Variants in EFCAB8 observed in about 807,000 individuals in gnomAD.
The protein encoded by EFCAB8 is EF-hand calcium-binding domain-containing protein 8.
A neutral mutation model predicts 116.3 loss-of-function variants in EFCAB8; 100 were observed. The observed-to-expected ratio is 0.86, with a 90% confidence interval of 0.73 to 1.02. The LOEUF is 1.02. Among genes scored for constraint, EFCAB8 ranks in the 50% least tolerant of loss-of-function variants. The pLI, the probability that EFCAB8 is intolerant of heterozygous loss-of-function variation, is 0.00. For synonymous variants in EFCAB8, 558 were observed against 567.9 expected (o/e 0.98, Z 0.25); for missense variants, 1,320 against 1,416.9 (o/e 0.93, Z 1.10).
intron 22 of EFCAB8, among the ~76,000 whole-genome samples, chr20:32,942,068 A>G (rs1018758347): frequency 2.6e-5 from 4 of 152,130 alleles, no homozygotes; most frequent in African/African-American, 9.7e-5. Context: ...ACAGTTTTGC[A>G]TTTCATTAGC....
rs1279172743 is a variant in EFCAB8 at position 32,911,379 on chromosome 20, T to C, written c.1558-101T>C. On this transcript the variant is annotated intron_variant, in intron 15 of 26. Coordinates refer to ENST00000400522, the MANE Select transcript of EFCAB8 (RefSeq NM_001143967.2). The stretch of plus-strand genomic sequence containing the variant: ...AGCAGGGGGCCCTGAACGTCTGTTT[T>C]CTCAGTGGATGGAGGGGAGGGGCCA... 6.7e-5 allele frequency: 72 copies of C among 1,070,564 alleles called. No homozygotes were observed. The South Asian group carries it at 1.1e-3, about 17-fold the overall frequency. The allele number at this position is 1,070,564 out of a possible 1,614,324, so 66.3% of individuals were successfully genotyped here. A position where few individuals can be genotyped will look rare whatever the true frequency, so the allele number is the denominator to read the frequency against.
At chr20:32,885,052 C>T (rs1985538991) in intron 5 of EFCAB8, among the ~76,000 whole-genome samples, 1 of 152,156 alleles carries the variant, frequency 6.6e-6, no homozygotes, top group Non-Finnish European at 1.5e-5. Context: ...CGGTTCTGTT[C>T]CCCCCTCTAC....
chr20:32,907,017 A>C, intron 13 of EFCAB8, 23 bp downstream of exon 13: 2 of 1,481,326 alleles, frequency 1.4e-6, no homozygotes, highest in Admixed American at 2.3e-5. Flanking sequence ...GGTCCGCCTG[A>C]CTCCTTCTGT....
At chr20:32,890,444 A>G (rs1262233423) in intron 7 of EFCAB8, among the ~76,000 whole-genome samples, 7 of 152,126 alleles carry the variant, frequency 4.6e-5, no homozygotes, top group African/African-American at 1.7e-4. Context: ...GTGTCATCTC[A>G]CATGTATTAG....
In EFCAB8 at chr20:32,918,352, C is replaced by T. The variant is rs1477050799; in HGVS notation, c.2062-10C>T. The T allele has an allele frequency of 1.9e-6, 3 of 1,551,574 alleles. No homozygotes were observed. Among genetic ancestry groups the T allele is most frequent in the Admixed American group, 3.9e-5 (2 of 50,990 alleles). ...GCAGTGCCTTAGGGGCTGCTTTCTT[C>T]TTGGTACAGGTGCAAGATGTGAACA... is the stretch of plus-strand genomic sequence containing the variant. On this transcript the variant is annotated splice_polypyrimidine_tract_variant and intron_variant, in intron 18 of 26. Coordinates refer to ENST00000400522, the MANE Select transcript of EFCAB8 (RefSeq NM_001143967.2).
At chr20:32,949,736 C>T (rs1988739214) in intron 23 of EFCAB8, among the ~76,000 whole-genome samples, 2 of 152,240 alleles carry the variant, frequency 1.3e-5, no homozygotes, top group South Asian at 4.1e-4. Context: ...TGATGGTTCA[C>T]ACCCGTAATC....
intron 23 of EFCAB8, among the ~76,000 whole-genome samples, chr20:32,951,433 T>A (rs1448052596): frequency 2.6e-5 from 4 of 152,344 alleles, no homozygotes; most frequent in South Asian, 4.1e-4. Flanking sequence ...CTGTACATAT[T>A]GTATGATTCT....
At chr20:32,954,481 G>T (rs529843296) in intron 23 of EFCAB8, among the ~76,000 whole-genome samples, 1 of 152,218 alleles carries the variant, frequency 6.6e-6, no homozygotes, top group South Asian at 2.1e-4. Context: ...TATTCCATTG[G>T]TTTATATGTC....
In EFCAB8 at chr20:32,935,188, C is replaced by CTTTTTTTTTTTTTTTTTTTTTTTTTTTTT. The variant is rs754022404; in HGVS notation, c.2790+3855_2790+3856insTTTTTTTTTTTTTTTTTTTTTTTTTTTTT. On this transcript the variant is annotated intron_variant, in intron 22 of 26. Coordinates refer to ENST00000400522, the MANE Select transcript of EFCAB8 (RefSeq NM_001143967.2). ...TCTCTTCTCTTTTCTTTCTTTCTTTCTTTCTTTTTTTTTTTTTTTTTTTTT... is the reference window on the plus strand; with the variant it reads ...TCTCTTCTCTTTTCTTTCTTTCTTTCTTTTTTTTTTTTTTTTTTTTTTTTTTTTTTTTCTTTTTTTTTTTTTTTTTTTTT... Among the ~76,000 whole-genome samples the CTTTTTTTTTTTTTTTTTTTTTTTTTTTTT allele has an allele frequency of 4.3e-4, 29 of 66,916 alleles. 1 individual carries two copies. The highest frequency in any genetic ancestry group is 8.5e-4 in the African/African-American group (11 of 12,970). 43.9% of individuals were successfully genotyped at this position (66,916 alleles called of 152,430 possible).
At chr20:32,867,171 C>T (rs931886245) in intron 2 of EFCAB8, among the ~76,000 whole-genome samples, 2 of 152,188 alleles carry the variant, frequency 1.3e-5, no homozygotes, top group African/African-American at 4.8e-5. Context: ...CCGCCCTCCT[C>T]GGCCTCCCGA....
At chr20:32,874,922 A>G (rs1164097622) in intron 3 of EFCAB8, among the ~76,000 whole-genome samples, 1 of 151,490 alleles carries the variant, frequency 6.6e-6, no homozygotes, top group Non-Finnish European at 1.5e-5. Flanking sequence ...AACTTTTTGT[A>G]TTTTTTAGTA....
At chr20:32,887,846 C>G (rs932846486) in intron 6 of EFCAB8, among the ~76,000 whole-genome samples, 5 of 152,200 alleles carry the variant, frequency 3.3e-5, no homozygotes, top group Admixed American at 6.5e-5. Flanking sequence ...TTCATTATTC[C>G]ATTCATTCCT....
At chr20:32,885,977 C>T (rs1196802166) in intron 6 of EFCAB8, among the ~76,000 whole-genome samples, 1 of 152,226 alleles carries the variant, frequency 6.6e-6, no homozygotes, top group Non-Finnish European at 1.5e-5. Flanking sequence ...ATCCCCAAGA[C>T]TCCTGTGCTA....
intron 23 of EFCAB8, among the ~76,000 whole-genome samples, chr20:32,948,973 A>G (rs150204931): frequency 2.0e-5 from 3 of 152,298 alleles, no homozygotes; most frequent in Admixed American, 2.0e-4. Flanking sequence ...AAATTATACT[A>G]GAAGAGTAGA....
At chr20:32,950,971 A>G (rs1988780043) in intron 23 of EFCAB8, among the ~76,000 whole-genome samples, 1 of 152,226 alleles carries the variant, frequency 6.6e-6, no homozygotes, top group Admixed American at 6.5e-5. Flanking sequence ...AAGGAAATAT[A>G]TAGAAGCATG....
intron 21 of EFCAB8, 52 bp downstream of exon 21, chr20:32,930,668 G>A (rs1987871274): frequency 4.6e-6 from 7 of 1,516,298 alleles, no homozygotes; most frequent in African/African-American, 2.8e-5. Context: ...CTAAGTGTTC[G>A]GCCATCTCTT....
chr20:32,949,454 C>T (rs1988732521), intron 23 of EFCAB8, among the ~76,000 whole-genome samples: 1 of 152,132 alleles, frequency 6.6e-6, no homozygotes, highest in Admixed American at 6.5e-5. Context: ...ATAGCTTTGG[C>T]AAAGGAAACT....
intron 3 of EFCAB8, among the ~76,000 whole-genome samples, chr20:32,871,949 G>A (rs1363392827): frequency 1.3e-5 from 2 of 152,176 alleles, no homozygotes; most frequent in African/African-American, 4.8e-5. Context: ...AGCTCTGTCT[G>A]GAAGGAGGCC....
At chr20:32,893,590 G>A (rs1986022009) in intron 9 of EFCAB8, among the ~76,000 whole-genome samples, 1 of 152,174 alleles carries the variant, frequency 6.6e-6, no homozygotes, top group Non-Finnish European at 1.5e-5. Context: ...CATGATGCCA[G>A]TGGTGGGACC....
Sources: allele counts gnomAD v4.1 joint callset (sites outside exome capture counted in the v4.1 genomes callset), GRCh38; gene constraint gnomAD v4.1.1; transcripts MANE v1.5; gene names NCBI Gene and HGNC (gene_info 2026-07-23, HGNC 2026-07-21).